TIAM1: variants seen among roughly 807,000 people sequenced by gnomAD.
The protein encoded by TIAM1 is TIAM Rac1 associated GEF 1, also known as rho guanine nucleotide exchange factor TIAM1.
In TIAM1, 65 loss-of-function variants were observed where a neutral mutation model predicts 163.5. The ratio of observed to expected loss-of-function variants is 0.40; its 90% CI spans 0.33 to 0.49. TIAM1 has a LOEUF of 0.49. Ranked by LOEUF, TIAM1 falls within the 20% of genes least tolerant of loss-of-function variation. The probability of loss-of-function intolerance (pLI) is 0.77; values close to 1 mark genes in which losing one functional copy is unlikely to be tolerated. For synonymous variants in TIAM1, 833 were observed against 810.1 expected, an observed-to-expected ratio of 1.03 and a Z score of -0.48; for missense variants, 1,789 against 2,044.7, an observed-to-expected ratio of 0.87 and a Z score of 2.41.
chr21:31,305,087 CA>C lies in TIAM1; in HGVS notation c.-188-28180del, dbSNP rs1371722246. Among the ~76,000 whole-genome samples the C allele has an allele frequency of 9.2e-5, 14 of 152,142 alleles. 1 individual carries two copies. The highest frequency in any genetic ancestry group is 9.2e-4 in the Admixed American group (14 of 15,272). On this transcript the variant is annotated intron_variant, in intron 2 of 27. Coordinates refer to ENST00000541036, the MANE Select transcript of TIAM1 (RefSeq NM_001353694.2). ...ACTTTATATGTGTACAAGAGACAGA[CA>C]GACAACATTTATAAAATAAATGGTA...
rs550822928 is a variant in TIAM1, at chr21:31,427,215, A to G, written c.-369+36768T>C. On this transcript the variant is annotated intron_variant, in intron 2 of 28. Coordinates refer to the TIAM1 transcript ENST00000286827. Reference sequence around the variant, plus strand: ...AGATTAAAGGTCATCGACCGGGCACAGTGGCTCACACCTGTAATCCCAGCA... The same window carrying G: ...AGATTAAAGGTCATCGACCGGGCACGGTGGCTCACACCTGTAATCCCAGCA... Among the ~76,000 whole-genome samples, 167 of 152,348 alleles carry G rather than the reference A, an allele frequency of 1.1e-3. 4 individuals are homozygous for G. The South Asian group carries it at 0.032, about 30-fold the overall frequency.
intron 1 of TIAM1, among the ~76,000 whole-genome samples, chr21:31,543,223 G>A (rs138040494): frequency 6.7e-4 from 102 of 152,272 alleles, no homozygotes; most frequent in African/African-American, 2.4e-3. Flanking sequence ...GGGCCCATAG[G>A]GAAGTTGCCC....
intron 2 of TIAM1, among the ~76,000 whole-genome samples, chr21:31,411,215 G>A (rs902052491): frequency 1.3e-5 from 2 of 152,166 alleles, no homozygotes; most frequent in South Asian, 4.1e-4. Context: ...CTGGGGCTGT[G>A]CCTTGAACTT....
chr21:31,536,622 G>C (rs1250947386), intron 1 of TIAM1, among the ~76,000 whole-genome samples: 1 of 152,242 alleles, frequency 6.6e-6, no homozygotes. Flanking sequence ...CACCCCACAG[G>C]TATCTGCTGA....
intron 12 of TIAM1, among the ~76,000 whole-genome samples, chr21:31,198,835 C>A (rs1188919483): frequency 2.6e-5 from 4 of 152,148 alleles, no homozygotes; most frequent in African/African-American, 4.8e-5. Flanking sequence ...TCTCAGACAA[C>A]AACTCAGTAT....
chr21:31,373,762 G>C (rs1337433017), intron 2 of TIAM1, among the ~76,000 whole-genome samples: 3 of 152,142 alleles, frequency 2.0e-5, no homozygotes, highest in Non-Finnish European at 4.4e-5. Flanking sequence ...ATGAGCAGAA[G>C]AAACTAGAGA....
intron 2 of TIAM1, among the ~76,000 whole-genome samples, chr21:31,330,531 C>T (rs758827393): frequency 1.8e-4 from 28 of 152,160 alleles, no homozygotes; most frequent in Admixed American, 3.9e-4. Context: ...CTCCCCATCC[C>T]AGGCTCAAGT....
chr21:31,394,838 G>A (rs557592642), intron 2 of TIAM1, among the ~76,000 whole-genome samples: 2 of 151,326 alleles, frequency 1.3e-5, no homozygotes, highest in Admixed American at 1.3e-4. Context: ...TGAAGCAGTG[G>A]GCAATCATTC....
intron 2 of TIAM1, among the ~76,000 whole-genome samples, chr21:31,410,642 G>GT (rs1312148054): frequency 2.0e-5 from 3 of 151,772 alleles, no homozygotes; most frequent in African/African-American, 7.3e-5. Context: ...GTGACTATGT[G>GT]TAAGTGTGTG....
chr21:31,458,352 G>A (rs542438689), intron 2 of TIAM1, among the ~76,000 whole-genome samples: 10 of 151,858 alleles, frequency 6.6e-5, no homozygotes, highest in African/African-American at 9.7e-5. Flanking sequence ...CCCGGGAGAC[G>A]GAGGTTGCAG....
chr21:31,228,931 T>A (rs1026438123), intron 6 of TIAM1, among the ~76,000 whole-genome samples: 1 of 151,832 alleles, frequency 6.6e-6, no homozygotes, highest in Non-Finnish European at 1.5e-5. Flanking sequence ...AAGCCCCTTA[T>A]AAAACCATCA....
intron 1 of TIAM1, among the ~76,000 whole-genome samples, chr21:31,481,719 A>G (rs1400772911): frequency 6.6e-6 from 1 of 152,136 alleles, no homozygotes; most frequent in Non-Finnish European, 1.5e-5. Flanking sequence ...TGTTGGGGAG[A>G]GCACCCAGCT....
At chr21:31,242,760 T>C (rs1431526150) in intron 6 of TIAM1, among the ~76,000 whole-genome samples, 1 of 150,984 alleles carries the variant, frequency 6.6e-6, no homozygotes, top group Admixed American at 6.6e-5. Context: ...ACTGCTTCTA[T>C]TGACATTCTA....
chr21:31,344,939 A>T (rs1194072438), upstream of TIAM1, among the ~76,000 whole-genome samples: 1 of 152,212 alleles, frequency 6.6e-6, no homozygotes, highest in Non-Finnish European at 1.5e-5. Flanking sequence ...CAATTTTTAT[A>T]TCAGTTTCTA....
intron 2 of TIAM1, among the ~76,000 whole-genome samples, chr21:31,279,170 G>A (rs1242193987): frequency 6.6e-6 from 1 of 151,930 alleles, no homozygotes; most frequent in Non-Finnish European, 1.5e-5. Context: ...AGAGAGAAAG[G>A]GCATTATTTG....
intron 9 of TIAM1, among the ~76,000 whole-genome samples, chr21:31,216,623 T>C (rs1176631440): frequency 6.6e-6 from 1 of 151,658 alleles, no homozygotes; most frequent in African/African-American, 2.4e-5. Flanking sequence ...CCTTGGCGAG[T>C]GAAGAAGTCA....
At chr21:31,337,761 C>A (rs1032082224) in intron 2 of TIAM1, among the ~76,000 whole-genome samples, 1 of 151,974 alleles carries the variant, frequency 6.6e-6, no homozygotes, top group Non-Finnish European at 1.5e-5. Context: ...GACTCTTGAC[C>A]TCAAGTAATC....
chr21:31,399,879 T>A (rs2077135418), intron 2 of TIAM1, among the ~76,000 whole-genome samples: 1 of 152,152 alleles, frequency 6.6e-6, no homozygotes, highest in South Asian at 2.1e-4. Flanking sequence ...TAAAGCTAAC[T>A]TCATGGTTGC....
At position 31,316,373 on chromosome 21, in the gene TIAM1, T is replaced by C. The variant is rs145224856; in HGVS notation, c.-189+22870A>G. 5.4e-3 allele frequency among the ~76,000 whole-genome samples: 818 copies of C among 152,266 alleles called. 10 individuals carry two copies. Among genetic ancestry groups the C allele is most frequent in the African/African-American group, 0.018 (760 of 41,538 alleles). ...TATTTCAAGGAAAGGTTTATACCGA[T>C]TGAGACAATGGTGACATGTAGCCAC... On this transcript the variant is annotated intron_variant, in intron 2 of 27. Coordinates refer to ENST00000541036, the MANE Select transcript of TIAM1 (RefSeq NM_001353694.2).
Sources: allele counts gnomAD v4.1 joint callset (sites outside exome capture counted in the v4.1 genomes callset), GRCh38; gene constraint gnomAD v4.1.1; transcripts MANE v1.5; gene names NCBI Gene and HGNC (gene_info 2026-07-23, HGNC 2026-07-21).